Variants in CACNA2D3 observed in about 807,000 individuals in gnomAD.
CACNA2D3 encodes voltage-dependent calcium channel subunit alpha-2/delta-3.
In CACNA2D3, 60 loss-of-function variants were observed where a neutral mutation model predicts 160.6. The ratio of observed to expected loss-of-function variants is 0.37; its 90% CI spans 0.30 to 0.46. CACNA2D3 has a LOEUF of 0.46. CACNA2D3 is among the 20% of genes least tolerant of loss of function. The probability of loss-of-function intolerance (pLI) is 1.00; values close to 1 mark genes in which losing one functional copy is unlikely to be tolerated. For missense variants in CACNA2D3, 1,205 were observed against 1,365.0 expected, an observed-to-expected ratio of 0.88 and a Z score of 1.85; for synonymous variants, 558 against 492.9, an observed-to-expected ratio of 1.13 and a Z score of -1.75.
intron 3 of CACNA2D3, 36 bp downstream of exon 3, chr3:54,320,594 A>C: frequency 8.7e-7 from 1 of 1,146,932 alleles, no homozygotes. Flanking sequence ...TATCGCCTGA[A>C]GGCACAAAGG....
At chr3:54,455,173 C>G (rs1446223802) in intron 4 of CACNA2D3, among the ~76,000 whole-genome samples, 1 of 152,106 alleles carries the variant, frequency 6.6e-6, no homozygotes, top group Non-Finnish European at 1.5e-5. Flanking sequence ...AACCTCCATA[C>G]TGTTTTCCAT....
At chr3:54,367,837 A>G (rs1172160058) in intron 3 of CACNA2D3, among the ~76,000 whole-genome samples, 1 of 152,120 alleles carries the variant, frequency 6.6e-6, no homozygotes, top group East Asian at 1.9e-4. Flanking sequence ...TTGGCCCCTG[A>G]CCAAGAAACG....
intron 2 of CACNA2D3, among the ~76,000 whole-genome samples, chr3:54,219,406 C>T (rs909239336): frequency 7.9e-5 from 12 of 152,092 alleles, no homozygotes; most frequent in Non-Finnish European, 1.3e-4. Context: ...TTGGGATATC[C>T]GCTCTGTTTT....
intron 2 of CACNA2D3, among the ~76,000 whole-genome samples, chr3:54,255,720 C>G (rs1320677612): frequency 6.6e-6 from 1 of 152,126 alleles, no homozygotes; most frequent in African/African-American, 2.4e-5. Flanking sequence ...ATTGTTCTCC[C>G]CATATTCCCC....
chr3:54,842,625 G>C (rs1320614481), intron 16 of CACNA2D3, among the ~76,000 whole-genome samples: 1 of 140,416 alleles, frequency 7.1e-6, no homozygotes, highest in African/African-American at 2.7e-5. Context: ...TTTTGAGACA[G>C]GGTCTGGCTC....
intron 8 of CACNA2D3, among the ~76,000 whole-genome samples, chr3:54,571,232 G>A (rs11914542): frequency 0.36 from 54,779 of 151,912 alleles, 10,858 homozygotes; most frequent in Middle Eastern, 0.44. Context: ...GTTCTTATTT[G>A]TAGAGGAAGC....
At chr3:54,285,266 C>A (rs972792769) in intron 2 of CACNA2D3, among the ~76,000 whole-genome samples, 1 of 152,186 alleles carries the variant, frequency 6.6e-6, no homozygotes, top group Non-Finnish European at 1.5e-5. Flanking sequence ...TAAAAAACGG[C>A]ACACCAGGAG....
intron 4 of CACNA2D3, among the ~76,000 whole-genome samples, chr3:54,420,374 C>T (rs146168766): frequency 6.6e-6 from 1 of 152,362 alleles, no homozygotes; most frequent in Non-Finnish European, 1.5e-5. Flanking sequence ...TGAGCCACCG[C>T]ACCTTGTCCC....
intron 5 of CACNA2D3, among the ~76,000 whole-genome samples, chr3:54,549,255 G>T (rs1702115295): frequency 6.6e-6 from 1 of 152,098 alleles, no homozygotes; most frequent in African/African-American, 2.4e-5. Flanking sequence ...GACCATCCTG[G>T]CTAACACGGT....
chr3:54,495,586 T>C (rs566190850), intron 4 of CACNA2D3, among the ~76,000 whole-genome samples: 1 of 152,160 alleles, frequency 6.6e-6, no homozygotes, highest in African/African-American at 2.4e-5. Context: ...CCATCTCTAC[T>C]AAAAATACAA....
intron 35 of CACNA2D3, among the ~76,000 whole-genome samples, chr3:55,027,835 G>A (rs1703597293): frequency 6.6e-6 from 1 of 152,190 alleles, no homozygotes; most frequent in South Asian, 2.1e-4. Context: ...TCTCAAGGCA[G>A]CGATTACTTT....
chr3:54,752,641 G>A lies in CACNA2D3; in HGVS notation c.1210G>A (p.Ala404Thr). ...CCTCATTGGACGAGAGGCTGCGTTT[G>A]CAGACAATCTAAAGTGGATGGCCTG... ...TYLIGREAAF[A>T]DNLKWMACAN... The change falls in exon 12 of 38, where the codon GCA (alanine) becomes ACA (threonine). Residue 404 changes from alanine (A) to threonine (T), a missense_variant. Ala to Thr is a moderately conservative substitution (Grantham distance 58). Around this residue, in one of 3 missense-constraint regions of CACNA2D3, gnomAD observed 911 missense variants for 1,002.2 expected, o/e 0.91. Coordinates refer to ENST00000474759, the MANE Select transcript of CACNA2D3 (RefSeq NM_018398.3). 6.2e-7 allele frequency: 1 copy of A among 1,613,562 alleles called. No individual in the cohort carries two copies. Among genetic ancestry groups the A allele is most frequent in the Non-Finnish European group, 8.5e-7 (1 of 1,179,760 alleles).
rs551792070 is a variant in CACNA2D3 at position 54,553,859 on chromosome 3, G to A, written c.545-8941G>A. Among the ~76,000 whole-genome samples the A allele has an allele frequency of 7.2e-5, 11 of 152,306 alleles. No homozygotes were observed. In the East Asian group the frequency reaches 9.7e-4, roughly 13 times the overall value. On this transcript the variant is annotated intron_variant, in intron 5 of 37. Transcript: ENST00000474759. ...TGGGAAGAGGAAGTAGGCCATGCTC[G>A]CTACAGATTTTGGAAAATAAATTTG...
intron 2 of CACNA2D3, among the ~76,000 whole-genome samples, chr3:54,201,516 T>C (rs1182511095): frequency 2.0e-5 from 3 of 152,240 alleles, no homozygotes; most frequent in African/African-American, 7.2e-5. Flanking sequence ...TTTACACCTT[T>C]AGGTGTCCTC....
chr3:54,232,217 G>A (rs375486183), intron 2 of CACNA2D3, among the ~76,000 whole-genome samples: 109 of 152,344 alleles, frequency 7.2e-4, no homozygotes, highest in African/African-American at 2.4e-3. Context: ...ACTGTTGCTG[G>A]CTTTATGCTC....
At chr3:54,177,023 G>T (rs986528521) in intron 2 of CACNA2D3, among the ~76,000 whole-genome samples, 1 of 152,164 alleles carries the variant, frequency 6.6e-6, no homozygotes, top group Non-Finnish European at 1.5e-5. Flanking sequence ...GTAGGTTACT[G>T]GGAGGCAGCT....
chr3:54,591,917 T>A (rs1371114142), intron 9 of CACNA2D3, among the ~76,000 whole-genome samples: 1 of 152,200 alleles, frequency 6.6e-6, no homozygotes, highest in East Asian at 1.9e-4. Context: ...CATTCTTTAA[T>A]CAAAATATTC....
chr3:54,624,914 G>A (rs1458914260), intron 9 of CACNA2D3, among the ~76,000 whole-genome samples: 1 of 152,218 alleles, frequency 6.6e-6, no homozygotes, highest in African/African-American at 2.4e-5. Flanking sequence ...TCCACCGGGG[G>A]TGGTTGTTGG....
chr3:54,903,757 G>T (rs959982392), intron 27 of CACNA2D3, among the ~76,000 whole-genome samples: 1 of 152,144 alleles, frequency 6.6e-6, no homozygotes, highest in African/African-American at 2.4e-5. Flanking sequence ...ATTCTGACTG[G>T]TGTGAGATGA....
Sources: allele counts gnomAD v4.1 joint callset (sites outside exome capture counted in the v4.1 genomes callset), GRCh38; gene constraint gnomAD v4.1.1; regional missense constraint gnomAD v4.1.1; transcripts MANE v1.5; gene names NCBI Gene and HGNC (gene_info 2026-07-23, HGNC 2026-07-21).